Variants in ULK4 observed in about 807,000 individuals in gnomAD.
The protein encoded by ULK4 is unc-51 like kinase 4, also known as inactive serine/threonine-protein kinase ULK4.
Under a neutral mutation model 160.6 loss-of-function variants are expected in ULK4, and 133 were observed. The observed-to-expected ratio is 0.83, with a 90% CI of 0.72 to 0.96. ULK4 has a LOEUF of 0.96. Among genes scored for constraint, ULK4 ranks in the 40% least tolerant of loss-of-function variants. ULK4 has a pLI of 0.00. For missense variants in ULK4, 1,580 were observed against 1,499.5 expected (o/e 1.05, Z -0.89); for synonymous variants, 534 against 539.8 (o/e 0.99, Z 0.15).
At chr3:41,616,598 T>C (rs574120678) in intron 30 of ULK4, among the ~76,000 whole-genome samples, 1 of 152,300 alleles carries the variant, frequency 6.6e-6, no homozygotes, top group South Asian at 2.1e-4. Flanking sequence ...CTACCCGGCC[T>C]GGTTACTACG....
intron 17 of ULK4, chr3:41,855,053 T>C (rs1173342327): frequency 6.6e-6 from 1 of 151,838 alleles, no homozygotes; most frequent in African/African-American, 2.4e-5. Flanking sequence ...AATTCCCCCT[T>C]TTAATCTACC....
At chr3:41,803,584 A>G (rs946897013) in intron 19 of ULK4, among the ~76,000 whole-genome samples, 2 of 152,138 alleles carry the variant, frequency 1.3e-5, no homozygotes, top group Non-Finnish European at 2.9e-5. Flanking sequence ...TGCTGCACCC[A>G]TTAACTCGTC....
intron 30 of ULK4, among the ~76,000 whole-genome samples, chr3:41,642,192 C>T (rs1255557093): frequency 6.6e-6 from 1 of 151,826 alleles, no homozygotes; most frequent in Non-Finnish European, 1.5e-5. Flanking sequence ...ACAGTTTTTA[C>T]TCTTTTTTTT....
chr3:41,765,754 T>A (rs2039141247), intron 21 of ULK4, among the ~76,000 whole-genome samples: 1 of 152,154 alleles, frequency 6.6e-6, no homozygotes. Flanking sequence ...ATACTATATA[T>A]CTTTCAAAAT....
At chr3:41,581,575 C>A (rs1209154533) in intron 31 of ULK4, among the ~76,000 whole-genome samples, 2 of 152,146 alleles carry the variant, frequency 1.3e-5, no homozygotes, top group South Asian at 2.1e-4. Flanking sequence ...AAAAAATAAT[C>A]TCCACTGCAC....
chr3:41,912,020 A>T (rs1175582860), intron 9 of ULK4, among the ~76,000 whole-genome samples: 5 of 144,064 alleles, frequency 3.5e-5, no homozygotes, highest in African/African-American at 5.1e-5. Flanking sequence ...TTTTTAATTT[A>T]AAAAAAAAAA....
chr3:41,306,765 A>G (rs1423728191), intron 35 of ULK4, among the ~76,000 whole-genome samples: 1 of 151,740 alleles, frequency 6.6e-6, no homozygotes, highest in African/African-American at 2.4e-5. Context: ...TGTAGAAAGA[A>G]GTAAACATGG....
At chr3:41,375,054 T>C (rs1312097050) in intron 35 of ULK4, among the ~76,000 whole-genome samples, 16 of 151,910 alleles carry the variant, frequency 1.1e-4, no homozygotes, top group Non-Finnish European at 2.2e-4. Context: ...GAGAATAAAA[T>C]ACCTAGGAAT....
Position 41,819,406 on chromosome 3 carries a change from C to A in ULK4, c.1848+17G>T, listed in dbSNP as rs1226793447. On this transcript the variant is annotated intron_variant, in intron 19 of 36. Coordinates refer to ENST00000301831, the MANE Select transcript of ULK4 (RefSeq NM_017886.4). The stretch of plus-strand genomic sequence containing the variant: ...TACAATTGCCAGCATCTACAGAGGA[C>A]AACAAAGGAGCCTTACCCCTTCCCG... 6.2e-7 allele frequency: 1 copy of A among 1,611,548 alleles called. No individual in the cohort carries two copies. The highest frequency in any genetic ancestry group is 1.7e-5 in the Admixed American group (1 of 59,418).
Position 41,881,284 on chromosome 3 carries a change from T to TAAAA in ULK4, c.1656+2586_1656+2589dup, listed in dbSNP as rs58977381. Among the ~76,000 whole-genome samples the TAAAA allele has an allele frequency of 6.6e-3, 829 of 126,136 alleles. 25 individuals carry two copies. The highest frequency in any genetic ancestry group is 0.028 in the African/African-American group (783 of 27,508). 82.8% of individuals were successfully genotyped at this position (126,136 alleles called of 152,430 possible). A position where few individuals can be genotyped will look rare whatever the true frequency, so the allele number is the denominator to read the frequency against. On this transcript the variant is annotated intron_variant, in intron 17 of 36. Transcript: ENST00000301831. ...CCACACATCCTGTAGCAGAAACTTC[T>TAAAA]AAAAAAAAAAAAAAAAAAAAAAAAA...
At position 41,776,460 on chromosome 3, in the gene ULK4, A is replaced by T. The variant is rs1053637782; in HGVS notation, c.2193+13201T>A. ...AAAAATCTAACACTCAAATGTCAAC[A>T]AAAAAACTAATTGAATAAAAATGTG... is the stretch of plus-strand genomic sequence containing the variant. On this transcript the variant is annotated intron_variant, in intron 21 of 36. Coordinates refer to ENST00000301831, the MANE Select transcript of ULK4 (RefSeq NM_017886.4). 1.1e-4 allele frequency among the ~76,000 whole-genome samples: 17 copies of T among 150,984 alleles called. 1 individual carries two copies. The highest frequency in any genetic ancestry group is 4.0e-4 in the African/African-American group (16 of 40,316).
At chr3:41,826,495 C>G (rs1272781437) in intron 18 of ULK4, among the ~76,000 whole-genome samples, 1 of 151,358 alleles carries the variant, frequency 6.6e-6, no homozygotes, top group Non-Finnish European at 1.5e-5. Flanking sequence ...CAAAAAAAGG[C>G]AGGGGTTGCA....
At chr3:41,283,126 C>A (rs1475900255) in intron 35 of ULK4, among the ~76,000 whole-genome samples, 4 of 152,114 alleles carry the variant, frequency 2.6e-5, no homozygotes, top group Admixed American at 2.0e-4. Context: ...GAATGGTGAT[C>A]ATTAAAAAGT....
intron 35 of ULK4, among the ~76,000 whole-genome samples, chr3:41,263,037 G>A (rs1368732392): frequency 2.0e-5 from 3 of 152,272 alleles, no homozygotes; most frequent in East Asian, 3.9e-4. Flanking sequence ...TTTTGCCCAG[G>A]AGGACCCAAA....
intron 29 of ULK4, among the ~76,000 whole-genome samples, chr3:41,677,718 C>G (rs187028919): frequency 6.6e-6 from 1 of 152,058 alleles, no homozygotes; most frequent in African/African-American, 2.4e-5. Context: ...AAATAGTACG[C>G]GGTTCATTCA....
At chr3:41,950,272 G>A (rs1166021180) in intron 2 of ULK4, among the ~76,000 whole-genome samples, 1 of 150,562 alleles carries the variant, frequency 6.6e-6, no homozygotes, top group Non-Finnish European at 1.5e-5. Flanking sequence ...ACGGAGTCTC[G>A]CCTTGTTGCC....
At chr3:41,632,112 A>G (rs975963523) in intron 30 of ULK4, among the ~76,000 whole-genome samples, 4 of 152,298 alleles carry the variant, frequency 2.6e-5, no homozygotes, top group African/African-American at 9.6e-5. Context: ...TTGAAACCAC[A>G]TGTAAGAAGC....
intron 23 of ULK4, 56 bp downstream of exon 23, chr3:41,717,672 C>G (rs962015327): frequency 3.2e-6 from 5 of 1,553,994 alleles, no homozygotes; most frequent in South Asian, 1.2e-5. Context: ...GCCTAAAAGC[C>G]AAGTCTTAGA....
At position 41,801,637 on chromosome 3, in the gene ULK4, G is replaced by A. The variant is rs990902815; in HGVS notation, c.1849-1344C>T. On this transcript the variant is annotated intron_variant, in intron 19 of 36. Transcript: ENST00000301831. The stretch of plus-strand genomic sequence containing the variant: ...GGCCAAGATGGGAGAATCAGTTGAG[G>A]CCAGGAGTTCAAGACCAGCATGGGC... Among the ~76,000 whole-genome samples the A allele has an allele frequency of 2.0e-5, 3 of 152,058 alleles. No homozygotes were observed. In the East Asian group the frequency reaches 5.8e-4, roughly 29 times the overall value.
Sources: allele counts gnomAD v4.1 joint callset (sites outside exome capture counted in the v4.1 genomes callset), GRCh38; gene constraint gnomAD v4.1.1; transcripts MANE v1.5; gene names NCBI Gene and HGNC (gene_info 2026-07-23, HGNC 2026-07-21).